Variants in WWOX observed in about 807,000 individuals in gnomAD.
WWOX encodes WW domain-containing oxidoreductase.
WWOX carries 69 observed loss-of-function variants against 46.2 expected under a neutral mutation model. The ratio of observed to expected loss-of-function variants is 1.49; its 90% CI spans 1.23 to 1.82. The LOEUF (loss-of-function observed/expected upper bound fraction) is 1.82. Among genes scored for constraint, WWOX ranks in the 40% most tolerant of loss-of-function variants. The pLI is 0.00. For synonymous variants in WWOX, 359 were observed against 202.6 expected, an observed-to-expected ratio of 1.77 and a Z score of -6.56; for missense variants, 919 against 542.6, an observed-to-expected ratio of 1.69 and a Z score of -6.89.
At chr16:78,875,621 C>T (rs999957229) in intron 8 of WWOX, among the ~76,000 whole-genome samples, 3 of 152,100 alleles carry the variant, frequency 2.0e-5, no homozygotes, top group Admixed American at 6.5e-5. Flanking sequence ...CGTCAGAATC[C>T]CGGTACATTT....
intron 6 of WWOX, among the ~76,000 whole-genome samples, chr16:78,415,467 C>G (rs1478785268): frequency 6.6e-6 from 1 of 152,088 alleles, no homozygotes; most frequent in African/African-American, 2.4e-5. Context: ...AATGCCTGAC[C>G]TCGTGGGAAT....
At chr16:79,071,074 G>C (rs2048541374) in intron 8 of WWOX, among the ~76,000 whole-genome samples, 1 of 152,156 alleles carries the variant, frequency 6.6e-6, no homozygotes, top group South Asian at 2.1e-4. Flanking sequence ...GCAAAGCACT[G>C]ACCTTCTCTT....
At chr16:78,782,079 G>A (rs1167507582) in intron 8 of WWOX, among the ~76,000 whole-genome samples, 1 of 152,186 alleles carries the variant, frequency 6.6e-6, no homozygotes, top group Non-Finnish European at 1.5e-5. Flanking sequence ...GCTGCGGGGA[G>A]AAATAGATGA....
intron 8 of WWOX, among the ~76,000 whole-genome samples, chr16:79,089,310 T>A (rs556771233): frequency 2.7e-5 from 4 of 148,736 alleles, no homozygotes; most frequent in African/African-American, 7.5e-5. Flanking sequence ...ATTAGCGTCA[T>A]CATGAACGTT....
chr16:78,578,264 A>ATATATATG (rs1555567070), intron 8 of WWOX, among the ~76,000 whole-genome samples: 1 of 20,276 alleles, frequency 4.9e-5, no homozygotes, highest in Admixed American at 5.3e-4. Flanking sequence ...TTATATATAT[A>ATATATATG]TATATATATA....
At chr16:78,540,612 C>G (rs1011120773) in intron 8 of WWOX, among the ~76,000 whole-genome samples, 2 of 152,048 alleles carry the variant, frequency 1.3e-5, no homozygotes, top group Admixed American at 1.3e-4. Flanking sequence ...TGGTTACACC[C>G]TGGGCTTGTT....
intron 8 of WWOX, among the ~76,000 whole-genome samples, chr16:78,623,113 T>G (rs2046229053): frequency 6.6e-6 from 1 of 151,860 alleles, no homozygotes; most frequent in Non-Finnish European, 1.5e-5. Context: ...GCAGCCCCAC[T>G]AGGCAACTAG....
intron 5 of WWOX, among the ~76,000 whole-genome samples, chr16:78,257,862 T>C (rs547839020): frequency 6.6e-6 from 1 of 152,178 alleles, no homozygotes; most frequent in Non-Finnish European, 1.5e-5. Context: ...AAATAGCCAC[T>C]CTCTTGCATA....
intron 8 of WWOX, among the ~76,000 whole-genome samples, chr16:78,666,082 T>G (rs866349560): frequency 1.3e-5 from 2 of 151,912 alleles, no homozygotes; most frequent in Non-Finnish European, 2.9e-5. Flanking sequence ...GCCAGGAGTT[T>G]GAGAATAGCC....
intron 8 of WWOX, among the ~76,000 whole-genome samples, chr16:78,745,869 C>T (rs1451391180): frequency 7.8e-6 from 1 of 128,490 alleles, no homozygotes; most frequent in South Asian, 2.5e-4. Flanking sequence ...TTGGAAAAAG[C>T]ACATTGTATT....
At chr16:78,132,461 T>G (rs1192806590) in intron 4 of WWOX, among the ~76,000 whole-genome samples, 1 of 152,270 alleles carries the variant, frequency 6.6e-6, no homozygotes, top group Non-Finnish European at 1.5e-5. Context: ...TGGTCAAGTT[T>G]AATTGCTTCT....
At chr16:79,162,722 G>A (rs2050511544) in intron 8 of WWOX, among the ~76,000 whole-genome samples, 1 of 152,176 alleles carries the variant, frequency 6.6e-6, no homozygotes, top group Non-Finnish European at 1.5e-5. Flanking sequence ...CCCATTCAGA[G>A]GCTCAAGAAT....
intron 8 of WWOX, among the ~76,000 whole-genome samples, chr16:78,924,898 C>G (rs775801176): frequency 2.0e-4 from 30 of 152,230 alleles, no homozygotes; most frequent in Admixed American, 6.5e-5. Context: ...TTTGTCTTTT[C>G]AAATAAACAT....
intron 8 of WWOX, among the ~76,000 whole-genome samples, chr16:78,865,857 C>T (rs532654667): frequency 2.4e-4 from 36 of 152,156 alleles, no homozygotes; most frequent in Non-Finnish European, 3.2e-4. Flanking sequence ...CCAGCCTGGG[C>T]GATGAGTGAA....
At chr16:78,487,072 T>C (rs535712212) in intron 8 of WWOX, among the ~76,000 whole-genome samples, 2 of 152,190 alleles carry the variant, frequency 1.3e-5, no homozygotes, top group Non-Finnish European at 2.9e-5. Context: ...TCTGTTGTAG[T>C]GATATTAAGG....
rs944092451 is a variant in WWOX, at chr16:78,906,318, A to G, written c.1057-305290A>G. The stretch of plus-strand genomic sequence containing the variant: ...GGAAAGCCTCTTGGCCTTGAATAAG[A>G]TGACTTTGTTACTGGGCAAAGAAAG... On this transcript the variant is annotated intron_variant, in intron 8 of 8. Coordinates refer to ENST00000566780, the MANE Select transcript of WWOX (RefSeq NM_016373.4). 2.0e-5 allele frequency among the ~76,000 whole-genome samples: 3 copies of G among 152,306 alleles called. No individual in the cohort carries two copies. The South Asian group carries it at 6.2e-4, about 32-fold the overall frequency.
At chr16:78,711,246 A>C (rs1247437111) in intron 8 of WWOX, among the ~76,000 whole-genome samples, 2 of 152,210 alleles carry the variant, frequency 1.3e-5, no homozygotes, top group Non-Finnish European at 2.9e-5. Context: ...TGAAATGTTC[A>C]AAGTGATGTG....
chr16:78,717,842 C>G (rs573031618), intron 8 of WWOX, among the ~76,000 whole-genome samples: 2 of 152,144 alleles, frequency 1.3e-5, no homozygotes, highest in South Asian at 2.1e-4. Flanking sequence ...ATTTCCCTCT[C>G]TGTCTTTCCC....
At chr16:78,766,551 G>A (rs2049928582) in intron 8 of WWOX, among the ~76,000 whole-genome samples, 1 of 152,168 alleles carries the variant, frequency 6.6e-6, no homozygotes, top group African/African-American at 2.4e-5. Flanking sequence ...TTGTGCTGTT[G>A]CACTCCAGCC....
Sources: gnomAD v4.1 joint callset for allele counts (sites outside exome capture counted in the v4.1 genomes callset) on GRCh38, gnomAD v4.1.1 for gene constraint, MANE v1.5 for transcripts, NCBI Gene and HGNC (gene_info 2026-07-23, HGNC 2026-07-21) for gene names.